Variants in FAF1 observed in about 807,000 individuals in gnomAD.
FAF1 encodes FAS-associated factor 1.
In FAF1, 25 loss-of-function variants were observed where a neutral mutation model predicts 92.5. The observed-to-expected ratio is 0.27, with a 90% CI of 0.20 to 0.38. FAF1 has a LOEUF of 0.38. FAF1 is among the 10% of genes least tolerant of loss of function. The probability of loss-of-function intolerance (pLI) is 1.00; values close to 1 mark genes in which losing one functional copy is unlikely to be tolerated. For missense variants in FAF1, 636 were observed against 793.3 expected, an observed-to-expected ratio of 0.80 and a Z score of 2.38; for synonymous variants, 234 against 273.2, an observed-to-expected ratio of 0.86 and a Z score of 1.42.
At chr1:50,463,627 G>T (rs1254350231) in intron 18 of FAF1, among the ~76,000 whole-genome samples, 1 of 152,218 alleles carries the variant, frequency 6.6e-6, no homozygotes, top group Admixed American at 6.5e-5. Context: ...ATGCTTTAGG[G>T]TTGAATGAAA....
chr1:50,543,574 G>T (rs1201337537), intron 13 of FAF1, among the ~76,000 whole-genome samples: 1 of 152,060 alleles, frequency 6.6e-6, no homozygotes, highest in Non-Finnish European at 1.5e-5. Context: ...AAATATGGTA[G>T]GCCCTTAAAA....
intron 1 of FAF1, among the ~76,000 whole-genome samples, chr1:50,862,679 T>G (rs952173181): frequency 6.6e-6 from 1 of 151,196 alleles, no homozygotes; most frequent in Non-Finnish European, 1.5e-5. Context: ...TCACACAAAC[T>G]TAAGGTAAAG....
intron 7 of FAF1, among the ~76,000 whole-genome samples, chr1:50,656,074 G>T (rs1655096607): frequency 6.6e-6 from 1 of 152,150 alleles, no homozygotes; most frequent in Admixed American, 6.5e-5. Flanking sequence ...GCTCACACCT[G>T]TAATCCCAGG....
At chr1:50,454,937 G>A (rs1646334496) in intron 18 of FAF1, among the ~76,000 whole-genome samples, 1 of 152,206 alleles carries the variant, frequency 6.6e-6, no homozygotes, top group Admixed American at 6.5e-5. Flanking sequence ...CATGTTTGCT[G>A]AAAGACTGAT....
chr1:50,928,781 T>TAAAAAAAAAAAAAAA (rs1645025817), intron 1 of FAF1, among the ~76,000 whole-genome samples: 1 of 56,102 alleles, frequency 1.8e-5, no homozygotes, highest in African/African-American at 7.4e-5. Flanking sequence ...AGACTCCACC[T>TAAAAAAAAAAAAAAA]CAAAAAAAAA....
intron 8 of FAF1, among the ~76,000 whole-genome samples, chr1:50,619,442 C>A (rs1026012264): frequency 6.6e-6 from 1 of 152,322 alleles, no homozygotes; most frequent in African/African-American, 2.4e-5. Context: ...GAAACACATT[C>A]CCTCAGCATT....
intron 8 of FAF1, among the ~76,000 whole-genome samples, chr1:50,654,395 G>C (rs1376220263): frequency 6.6e-6 from 1 of 152,052 alleles, no homozygotes; most frequent in African/African-American, 2.4e-5. Context: ...TTAGGTATCT[G>C]GTTAGAATAA....
chr1:50,530,309 G>C (rs1572811888), intron 15 of FAF1, among the ~76,000 whole-genome samples: 1 of 151,352 alleles, frequency 6.6e-6, no homozygotes, highest in African/African-American at 2.4e-5. Context: ...GAGTGTGTGT[G>C]TGTGTATTTT....
At chr1:50,580,679 T>C (rs1406041078) in intron 12 of FAF1, among the ~76,000 whole-genome samples, 1 of 152,202 alleles carries the variant, frequency 6.6e-6, no homozygotes, top group African/African-American at 2.4e-5. Flanking sequence ...TAAAAATCCA[T>C]ATATATGGTC....
intron 8 of FAF1, among the ~76,000 whole-genome samples, chr1:50,638,926 C>G (rs1287570678): frequency 1.3e-5 from 2 of 152,204 alleles, no homozygotes; most frequent in Non-Finnish European, 2.9e-5. Flanking sequence ...AAACACAATT[C>G]TAATACACAC....
At chr1:50,773,377 C>T (rs902657693) in intron 4 of FAF1, among the ~76,000 whole-genome samples, 3 of 152,200 alleles carry the variant, frequency 2.0e-5, no homozygotes, top group Admixed American at 6.5e-5. Flanking sequence ...GTCTGCACTT[C>T]CCTGTTCGTT....
chr1:50,909,074 TA>T (rs764876629), intron 1 of FAF1, among the ~76,000 whole-genome samples: 3 of 152,238 alleles, frequency 2.0e-5, no homozygotes, highest in Non-Finnish European at 4.4e-5. Flanking sequence ...GGCCTGGTGG[TA>T]ACAAAATCTC....
chr1:50,762,378 C>A (rs1246767069), intron 4 of FAF1, among the ~76,000 whole-genome samples: 2 of 152,028 alleles, frequency 1.3e-5, no homozygotes, highest in Non-Finnish European at 2.9e-5. Flanking sequence ...GTCTGCATCG[C>A]CAAGTCAATC....
At chr1:50,510,805 T>C (rs1647125446) in intron 15 of FAF1, among the ~76,000 whole-genome samples, 2 of 152,180 alleles carry the variant, frequency 1.3e-5, no homozygotes, top group Non-Finnish European at 2.9e-5. Flanking sequence ...AATTTTAATA[T>C]ACTAGTCAGA....
At chr1:50,788,468 G>A (rs1283457216) in intron 3 of FAF1, among the ~76,000 whole-genome samples, 2 of 152,040 alleles carry the variant, frequency 1.3e-5, no homozygotes, top group African/African-American at 4.8e-5. Context: ...TTTTTACCTT[G>A]TGTTGTTATA....
At chr1:50,959,495 G>A (rs768378629) in intron 1 of FAF1, among the ~76,000 whole-genome samples, 2 of 151,890 alleles carry the variant, frequency 1.3e-5, no homozygotes, top group Non-Finnish European at 2.9e-5. Flanking sequence ...TATAATACAG[G>A]AAACACTACA....
intron 12 of FAF1, among the ~76,000 whole-genome samples, chr1:50,568,758 T>C (rs1327222152): frequency 1.3e-5 from 2 of 152,180 alleles, no homozygotes; most frequent in African/African-American, 4.8e-5. Context: ...GTAAGTGTTT[T>C]TTCTCTGATA....
chr1:50,749,440 A>G lies in FAF1; in HGVS notation c.368-4665T>C, dbSNP rs953062236. Among the ~76,000 whole-genome samples, 9 of 152,280 alleles carry G rather than the reference A, an allele frequency of 5.9e-5. No individual in the cohort carries two copies. In the East Asian group the frequency reaches 1.5e-3, roughly 26 times the overall value. On this transcript the variant is annotated intron_variant, in intron 4 of 18. Transcript: ENST00000396153. ...ATAGCCTTTTGTTCCACAGAAAGAG[A>G]GGAATAGAAAAAAAGCTGGAATCAT...
chr1:50,819,765 GTATATATATATACATATATATACA>G (rs1557543621), intron 2 of FAF1, among the ~76,000 whole-genome samples: 6,587 of 40,078 alleles, frequency 0.16, 1,093 homozygotes, highest in Non-Finnish European at 0.18. Context: ...ATATATATAC[GTATATATATATACATATATATACA>G]TATATATATA....
Sources: gnomAD v4.1 joint callset for allele counts (sites outside exome capture counted in the v4.1 genomes callset) on GRCh38, gnomAD v4.1.1 for gene constraint, MANE v1.5 for transcripts, NCBI Gene and HGNC (gene_info 2026-07-23, HGNC 2026-07-21) for gene names.